The following BLTP1 variants were observed in gnomAD, a reference collection of about 807,000 sequenced individuals.
The protein encoded by BLTP1 is bridge-like lipid transfer protein family member 1.
chr4:122,237,221 G>A, the BLTP1 span: 2 of 985,310 alleles, frequency 2.0e-6, no homozygotes, highest in African/African-American at 1.7e-5. Flanking sequence ...GATGGTAGGA[G>A]GAGGGGGAAG....
chr4:122,298,142 T>G, the BLTP1 span: 5 of 715,232 alleles, frequency 7.0e-6, no homozygotes, highest in Non-Finnish European at 8.6e-6. Flanking sequence ...TCTTCAGATT[T>G]GTTTTGATTC....
At chr4:122,152,846 A>G in the BLTP1 span, 1 of 385,786 alleles carries the variant, frequency 2.6e-6, no homozygotes, top group Non-Finnish European at 3.5e-6. Context: ...CCTGCGGGTG[A>G]TGGTAAGGCG....
At chr4:122,224,664 T>C in the BLTP1 span, 5 of 1,613,932 alleles carry the variant, frequency 3.1e-6, no homozygotes, top group African/African-American at 6.7e-5. Context: ...ACAGCTAAGG[T>C]CACAGCACCA....
At chr4:122,198,649 G>A in the BLTP1 span, among the ~76,000 whole-genome samples, 1 of 152,070 alleles carries the variant, frequency 6.6e-6, no homozygotes, top group African/African-American at 2.4e-5. Flanking sequence ...TGGAACTCTT[G>A]AGTTAAGGGT....
the BLTP1 span, chr4:122,199,263 CCTT>C: frequency 3.4e-5 from 51 of 1,497,894 alleles, no homozygotes; most frequent in Non-Finnish European, 4.2e-5. Flanking sequence ...TTCAAGGATT[CCTT>C]CTTTGAGTGG....
At chr4:122,197,665 G>A in the BLTP1 span, among the ~76,000 whole-genome samples, 1 of 151,992 alleles carries the variant, frequency 6.6e-6, no homozygotes, top group African/African-American at 2.4e-5. Flanking sequence ...TGACTGCAAG[G>A]CTTTGTTTTA....
the BLTP1 span, among the ~76,000 whole-genome samples, chr4:122,260,460 A>C: frequency 1.3e-5 from 2 of 152,232 alleles, no homozygotes; most frequent in Non-Finnish European, 2.9e-5. Context: ...GGTAGTTCAC[A>C]GAAAAATACA....
the BLTP1 span, chr4:122,333,848 T>A: frequency 6.4e-7 from 1 of 1,570,282 alleles, no homozygotes; most frequent in Non-Finnish European, 8.6e-7. Context: ...ATTAGACTAT[T>A]GGTAGCAATG....
the BLTP1 span, chr4:122,279,757 TTC>T: frequency 1.2e-6 from 2 of 1,607,344 alleles, no homozygotes; most frequent in Non-Finnish European, 1.7e-6. Flanking sequence ...TTTAATAGTC[TTC>T]TTTCTCTATT....
chr4:122,208,163 T>A, the BLTP1 span: 1 of 942,718 alleles, frequency 1.1e-6, no homozygotes, highest in Non-Finnish European at 1.3e-6. Flanking sequence ...TAACATCTAT[T>A]AAACATTTTC....
At chr4:122,289,662 A>G in the BLTP1 span, 9 of 981,042 alleles carry the variant, frequency 9.2e-6, no homozygotes, top group Non-Finnish European at 1.1e-5. Flanking sequence ...TTCACAAGCT[A>G]AAGTATTAGG....
chr4:122,250,683 A>G, the BLTP1 span: 1 of 1,088,058 alleles, frequency 9.2e-7, no homozygotes, highest in Non-Finnish European at 1.3e-6. Context: ...GTCTTTCCCT[A>G]TTTTGGATTT....
the BLTP1 span, chr4:122,246,232 A>T: frequency 5.6e-6 from 9 of 1,608,020 alleles, no homozygotes; most frequent in Non-Finnish European, 7.6e-6. Context: ...AAGCACAGAC[A>T]AATCTTACAA....
the BLTP1 span, among the ~76,000 whole-genome samples, chr4:122,159,188 G>A: frequency 2.6e-4 from 39 of 152,222 alleles, no homozygotes; most frequent in East Asian, 1.7e-3. Flanking sequence ...GGCTGGGCGC[G>A]GTGGGTGGCT....
At chr4:122,325,104 G>T in the BLTP1 span, 2 of 968,016 alleles carry the variant, frequency 2.1e-6, no homozygotes, top group East Asian at 5.8e-5. Context: ...TTAAGAGAAA[G>T]TTCAATCCTT....
At chr4:122,271,632 G>T in the BLTP1 span, 2 of 1,612,536 alleles carry the variant, frequency 1.2e-6, no homozygotes, top group Non-Finnish European at 1.7e-6. Context: ...GCTGAGTGCT[G>T]GCAGAATATG....
the BLTP1 span, chr4:122,197,104 A>G: frequency 2.4e-4 from 176 of 725,922 alleles, no homozygotes; most frequent in Non-Finnish European, 3.6e-4. Context: ...ACTTAACATC[A>G]ATAATTTCTT....
chr4:122,217,647 T>C, the BLTP1 span, among the ~76,000 whole-genome samples: 2 of 152,196 alleles, frequency 1.3e-5, no homozygotes, highest in East Asian at 3.9e-4. Context: ...TTTGCATCTT[T>C]GTTCATCAGG....
the BLTP1 span, chr4:122,289,625 G>T: frequency 1.0e-6 from 1 of 985,170 alleles, no homozygotes; most frequent in Non-Finnish European, 1.2e-6. Context: ...ATAGCTTACA[G>T]TTGAGCTTAG....
Sources: allele counts gnomAD v4.1 joint callset (sites outside exome capture counted in the v4.1 genomes callset), GRCh38; gene constraint gnomAD v4.1.1; transcripts MANE v1.5; gene names NCBI Gene and HGNC (gene_info 2026-07-23, HGNC 2026-07-21).